Variants in SOX6 observed in about 807,000 individuals in gnomAD.
SOX6 encodes the protein transcription factor SOX-6.
SOX6 carries 11 observed loss-of-function variants against 97.8 expected under a neutral mutation model. The ratio of observed to expected loss-of-function variants is 0.11; its 90% CI spans 0.07 to 0.19. The LOEUF is 0.19. Ranked by LOEUF, SOX6 falls within the 10% of genes least tolerant of loss-of-function variation. The probability of loss-of-function intolerance (pLI) is 1.00; values close to 1 mark genes in which losing one functional copy is unlikely to be tolerated. For missense variants in SOX6, 810 were observed against 1,039.5 expected (o/e 0.78, Z 3.04); for synonymous variants, 360 against 371.4 (o/e 0.97, Z 0.35).
intron 1 of SOX6, among the ~76,000 whole-genome samples, chr11:16,460,751 C>T (rs1236996973): frequency 6.6e-6 from 1 of 152,030 alleles, no homozygotes; most frequent in Non-Finnish European, 1.5e-5. Flanking sequence ...TAACCAAACT[C>T]CATGTGCACC....
At chr11:16,061,829 T>C (rs1008877794) in intron 9 of SOX6, among the ~76,000 whole-genome samples, 3 of 151,616 alleles carry the variant, frequency 2.0e-5, no homozygotes, top group African/African-American at 7.3e-5. Flanking sequence ...GCTGGGAAAA[T>C]TGGATTGCAT....
At chr11:16,454,222 C>A (rs576448707) in intron 1 of SOX6, among the ~76,000 whole-genome samples, 1 of 152,170 alleles carries the variant, frequency 6.6e-6, no homozygotes, top group East Asian at 1.9e-4. Flanking sequence ...ACCCCTGTAG[C>A]AGCAGCTGTT....
intron 15 of SOX6, among the ~76,000 whole-genome samples, chr11:15,976,315 G>A (rs1366047121): frequency 6.6e-6 from 1 of 152,156 alleles, no homozygotes; most frequent in Admixed American, 6.5e-5. Context: ...CCAGTTACTG[G>A]CTGTGTGATC....
intron 15 of SOX6, among the ~76,000 whole-genome samples, chr11:15,978,677 A>G (rs1237146255): frequency 6.7e-6 from 1 of 149,742 alleles, no homozygotes; most frequent in Admixed American, 6.7e-5. Context: ...ATATGCTGAC[A>G]ACGTCCCAAT....
At chr11:16,510,764 T>A (rs1345564133) in intron 4 of SOX6, among the ~76,000 whole-genome samples, 3 of 152,082 alleles carry the variant, frequency 2.0e-5, no homozygotes, top group Non-Finnish European at 4.4e-5. Flanking sequence ...TATATGTACA[T>A]CCTGGAGATT....
At chr11:16,039,501 A>G (rs1855601918) in intron 12 of SOX6, among the ~76,000 whole-genome samples, 1 of 152,058 alleles carries the variant, frequency 6.6e-6, no homozygotes, top group South Asian at 2.1e-4. Context: ...GATCAAAACT[A>G]TTTCCATAAT....
chr11:16,515,250 G>C (rs1237652479), intron 4 of SOX6, among the ~76,000 whole-genome samples: 1 of 152,158 alleles, frequency 6.6e-6, no homozygotes, highest in Non-Finnish European at 1.5e-5. Flanking sequence ...TAACTGGTGT[G>C]AGATGGTATC....
intron 1 of SOX6, chr11:16,402,556 C>T (rs922026402): frequency 2.5e-5 from 30 of 1,192,278 alleles, no homozygotes; most frequent in Non-Finnish European, 3.6e-5. Context: ...ACCCAAAGCA[C>T]ACTGGAATCT....
intron 3 of SOX6, among the ~76,000 whole-genome samples, chr11:16,674,041 T>C (rs1460589854): frequency 6.6e-6 from 1 of 151,772 alleles, no homozygotes; most frequent in Admixed American, 6.6e-5. Flanking sequence ...ATACAAAAAA[T>C]TAGCCGGGCC....
In SOX6 at chr11:16,608,504, G is replaced by C. The variant is rs371408735; in HGVS notation, n.609+3577C>G. Among the ~76,000 whole-genome samples the C allele has an allele frequency of 2.6e-5, 4 of 151,784 alleles. No individual in the cohort carries two copies. The East Asian group carries it at 7.7e-4, about 29-fold the overall frequency. On this transcript the variant is annotated intron_variant and non_coding_transcript_variant, in intron 4 of 5. Coordinates refer to the SOX6 transcript ENST00000524520. ...GTAGTCAAAAGAGAGAAAAGAAAGA[G>C]ATGAAGGAAGCAGAGATGATGAAAA...
chr11:16,421,731 T>C (rs1459432496), intron 1 of SOX6, among the ~76,000 whole-genome samples: 1 of 152,246 alleles, frequency 6.6e-6, no homozygotes, highest in Non-Finnish European at 1.5e-5. Context: ...AAAGAAAGAA[T>C]AGTTTTTAGT....
chr11:16,186,037 T>C (rs1590008865), intron 5 of SOX6, among the ~76,000 whole-genome samples: 1 of 152,312 alleles, frequency 6.6e-6, no homozygotes, highest in Admixed American at 6.5e-5. Flanking sequence ...AGGATCATTG[T>C]TAGATTAATG....
chr11:16,020,286 C>T (rs1467133055), intron 12 of SOX6, among the ~76,000 whole-genome samples: 2 of 152,046 alleles, frequency 1.3e-5, no homozygotes, highest in Non-Finnish European at 2.9e-5. Context: ...CACTAACTAC[C>T]CCAGCACATG....
At chr11:16,642,787 A>G (rs1201259254) in intron 3 of SOX6, among the ~76,000 whole-genome samples, 1 of 152,084 alleles carries the variant, frequency 6.6e-6, no homozygotes, top group African/African-American at 2.4e-5. Flanking sequence ...GGGCTTCTCT[A>G]CATTGGTTAT....
At chr11:16,673,049 G>A (rs1847858635) in intron 3 of SOX6, among the ~76,000 whole-genome samples, 1 of 152,144 alleles carries the variant, frequency 6.6e-6, no homozygotes, top group African/African-American at 2.4e-5. Flanking sequence ...TCCAGCTTGA[G>A]CGACAGAGCA....
chr11:15,997,836 A>G (rs1488146875), intron 13 of SOX6, among the ~76,000 whole-genome samples: 1 of 152,216 alleles, frequency 6.6e-6, no homozygotes. Flanking sequence ...CACACTTTAT[A>G]TTTCGGGAGG....
At chr11:16,391,334 T>C (rs1423983288) in intron 1 of SOX6, among the ~76,000 whole-genome samples, 2 of 152,148 alleles carry the variant, frequency 1.3e-5, no homozygotes, top group African/African-American at 4.8e-5. Flanking sequence ...ACTTAAAGTA[T>C]GTTAATAAAA....
At chr11:16,423,384 T>A (rs1181280455) in intron 1 of SOX6, among the ~76,000 whole-genome samples, 3 of 152,228 alleles carry the variant, frequency 2.0e-5, no homozygotes, top group African/African-American at 4.8e-5. Flanking sequence ...ATTTATTGAA[T>A]AAATGGATTA....
At chr11:16,460,852 A>G (rs1208580864) in intron 1 of SOX6, among the ~76,000 whole-genome samples, 1 of 152,078 alleles carries the variant, frequency 6.6e-6, no homozygotes, top group Non-Finnish European at 1.5e-5. Context: ...CAATTTTCTC[A>G]TACTCATGGT....
Sources: gnomAD v4.1 joint callset for allele counts (sites outside exome capture counted in the v4.1 genomes callset) on GRCh38, gnomAD v4.1.1 for gene constraint, MANE v1.5 for transcripts, NCBI Gene and HGNC (gene_info 2026-07-23, HGNC 2026-07-21) for gene names.